Variants in ENPEP observed in about 807,000 individuals in gnomAD.
ENPEP encodes AP-A.
Under a neutral mutation model 114.5 loss-of-function variants are expected in ENPEP, and 103 were observed. The observed-to-expected ratio is 0.90, with a 90% CI of 0.77 to 1.06. The LOEUF is 1.06. Ranked by LOEUF, ENPEP falls within the 50% of genes least tolerant of loss-of-function variation. The probability of loss-of-function intolerance (pLI) is 0.00; values close to 1 mark genes in which losing one functional copy is unlikely to be tolerated. For missense variants in ENPEP, 1,196 were observed against 1,161.3 expected, an observed-to-expected ratio of 1.03 and a Z score of -0.43; for synonymous variants, 420 against 422.0, an observed-to-expected ratio of 1.00 and a Z score of 0.06.
At chr4:110,551,092 TAAAA>T (rs569706672) in intron 17 of ENPEP, among the ~76,000 whole-genome samples, 2 of 132,328 alleles carry the variant, frequency 1.5e-5, no homozygotes, top group African/African-American at 2.8e-5. Flanking sequence ...CGTATCTATT[TAAAA>T]AAAAAAAAAA....
At chr4:110,561,114 A>C (rs555704009) in intron 19 of ENPEP, among the ~76,000 whole-genome samples, 53 of 152,276 alleles carry the variant, frequency 3.5e-4, no homozygotes, top group African/African-American at 1.2e-3. Context: ...AAAATAGAGA[A>C]AGCAGCAGAA....
Position 110,562,438 on chromosome 4 carries a change from T to C in ENPEP, c.*880T>C, listed in dbSNP as rs1355118213. ...ATTTTAGAGGAAAAAAGCTAAATAA[T>C]TGGAAACTGTTCAGGAAAGAGAGAA... On this transcript the variant is annotated 3_prime_UTR_variant, in exon 20 of 20. Coordinates refer to ENST00000265162, the MANE Select transcript of ENPEP (RefSeq NM_001977.4). The C allele has an allele frequency of 6.6e-6, 1 of 152,120 alleles. No individual in the cohort carries two copies. Among genetic ancestry groups the C allele is most frequent in the Non-Finnish European group, 1.5e-5 (1 of 68,008 alleles). The allele number at this position is 152,120 out of a possible 1,614,324, so 9.4% of individuals were successfully genotyped here. A position where few individuals can be genotyped will look rare whatever the true frequency, so the allele number is the denominator to read the frequency against.
rs186549879 is a variant in ENPEP at position 110,476,993 on chromosome 4, C to T, written c.579C>T (p.Ala193=). The T allele has an allele frequency of 1.9e-6, 3 of 1,614,154 alleles. No homozygotes were observed. The highest frequency in any genetic ancestry group is 1.7e-5 in the Admixed American group (1 of 60,020). ...DGLYLLTMEF[A]GWLNGSLVGF... ...TGTATCTCCTGACCATGGAGTTCGC[C>T]GGCTGGCTGAACGGCTCCCTCGTGG... The change falls in exon 1 of 20, where the codon GCC becomes GCT. Residue 193 remains alanine (A), a synonymous_variant. Transcript: ENST00000265162.
At chr4:110,489,587 A>T (rs542472077) in intron 2 of ENPEP, among the ~76,000 whole-genome samples, 1 of 152,304 alleles carries the variant, frequency 6.6e-6, no homozygotes, top group African/African-American at 2.4e-5. Context: ...TAAAATTAAA[A>T]AAAGAAAAAA....
intron 1 of ENPEP, among the ~76,000 whole-genome samples, chr4:110,485,294 A>G (rs1724461112): frequency 6.6e-6 from 1 of 152,162 alleles, no homozygotes; most frequent in Non-Finnish European, 1.5e-5. Context: ...TTCTTGGGTA[A>G]CTTTATTGTG....
intron 13 of ENPEP, among the ~76,000 whole-genome samples, chr4:110,543,431 T>C (rs912243757): frequency 4.6e-5 from 7 of 152,230 alleles, no homozygotes; most frequent in Non-Finnish European, 7.4e-5. Flanking sequence ...ATTAATTCAG[T>C]TCTGTGAGCC....
chr4:110,548,139 G>GTTTTTTTTTTTTTTTTTTTTTTT (rs3042468), intron 13 of ENPEP, 37 bp from the exon 14 acceptor site: 16 of 692,120 alleles, frequency 2.3e-5, no homozygotes, highest in South Asian at 3.8e-5. Flanking sequence ...TTAACTGTGA[G>GTTTTTTTTTTTTTTTTTTTTTTT]TTTTTTTTTT....
intron 8 of ENPEP, chr4:110,519,570 T>G (rs1231011687): frequency 6.6e-5 from 11 of 167,042 alleles, no homozygotes; most frequent in Non-Finnish European, 1.3e-4. Flanking sequence ...TTAAAATATT[T>G]GAAGAGTGAA....
intron 1 of ENPEP, among the ~76,000 whole-genome samples, chr4:110,481,969 A>G (rs1162818324): frequency 1.3e-5 from 2 of 152,178 alleles, no homozygotes; most frequent in East Asian, 1.9e-4. Flanking sequence ...AGAAAAGCAG[A>G]GTGGGGACAA....
chr4:110,482,913 G>A (rs1182153390), intron 1 of ENPEP, among the ~76,000 whole-genome samples: 6 of 152,158 alleles, frequency 3.9e-5, no homozygotes, highest in Non-Finnish European at 7.3e-5. Context: ...GGAGGCTGAG[G>A]CAGGAGAATT....
chr4:110,479,552 A>G (rs1199834351), intron 1 of ENPEP, among the ~76,000 whole-genome samples: 1 of 152,118 alleles, frequency 6.6e-6, no homozygotes, highest in Non-Finnish European at 1.5e-5. Flanking sequence ...CTCCAAACTG[A>G]CTTCCAAAAA....
At chr4:110,504,588 C>T (rs903401011) in intron 3 of ENPEP, among the ~76,000 whole-genome samples, 1 of 152,122 alleles carries the variant, frequency 6.6e-6, no homozygotes, top group Non-Finnish European at 1.5e-5. Flanking sequence ...AGATGATCTG[C>T]AGACTGACCA....
intron 10 of ENPEP, among the ~76,000 whole-genome samples, chr4:110,522,843 C>T (rs1042026272): frequency 2.0e-5 from 3 of 152,044 alleles, no homozygotes; most frequent in African/African-American, 7.2e-5. Context: ...AAAATGATTT[C>T]CACATAACAC....
chr4:110,497,797 G>C (rs187896362), intron 3 of ENPEP, among the ~76,000 whole-genome samples: 1 of 152,184 alleles, frequency 6.6e-6, no homozygotes, highest in East Asian at 1.9e-4. Flanking sequence ...CTAAAATTTA[G>C]AAAGAATATA....
intron 10 of ENPEP, among the ~76,000 whole-genome samples, chr4:110,527,610 A>G (rs955026300): frequency 2.0e-5 from 3 of 152,220 alleles, no homozygotes; most frequent in Non-Finnish European, 2.9e-5. Context: ...GTGATAATTC[A>G]ACTACGAAAA....
At chr4:110,544,176 A>T (rs1237213714) in intron 13 of ENPEP, among the ~76,000 whole-genome samples, 1 of 152,086 alleles carries the variant, frequency 6.6e-6, no homozygotes, top group African/African-American at 2.4e-5. Flanking sequence ...CTGGTTCCAT[A>T]TAGTCTTAAG....
chr4:110,543,294 T>C (rs1363075908), intron 13 of ENPEP, among the ~76,000 whole-genome samples: 1 of 152,104 alleles, frequency 6.6e-6, no homozygotes, highest in East Asian at 1.9e-4. Flanking sequence ...AAAACAAACC[T>C]AACTTATTGA....
At chr4:110,543,657 T>TA (rs1331904160) in intron 13 of ENPEP, among the ~76,000 whole-genome samples, 4 of 152,012 alleles carry the variant, frequency 2.6e-5, no homozygotes, top group South Asian at 2.1e-4. Flanking sequence ...ATTTTTTTTT[T>TA]AATTCACATA....
chr4:110,509,692 A>G lies in ENPEP; in HGVS notation c.1079A>G (p.Glu360Gly), dbSNP rs767236575. Reference sequence around the variant, plus strand: ...CCAGATTTTGGCACTGGTGCCATGGAGAACTGGGGACTCATCACGTACAGA... The same window carrying G: ...CCAGATTTTGGCACTGGTGCCATGGGGAACTGGGGACTCATCACGTACAGA... ...AIPDFGTGAM[E>G]NWGLITYRET... Residue 360 changes from glutamate to glycine, a missense_variant, in exon 5 of 20, where the codon GAG becomes GGG. Coordinates refer to ENST00000265162, the MANE Select transcript of ENPEP (RefSeq NM_001977.4). 3.7e-6 allele frequency: 6 copies of G among 1,613,634 alleles called. No homozygotes were observed. In the South Asian group the frequency reaches 6.6e-5, roughly 18 times the overall value.
Sources: allele counts gnomAD v4.1 joint callset (sites outside exome capture counted in the v4.1 genomes callset), GRCh38; gene constraint gnomAD v4.1.1; transcripts MANE v1.5; gene names NCBI Gene and HGNC (gene_info 2026-07-23, HGNC 2026-07-21).